Variants in KRTAP4-5 observed in about 807,000 individuals in gnomAD.
KRTAP4-5 encodes keratin associated protein 4-5.
For synonymous variants in KRTAP4-5, 73 were observed against 83.6 expected (o/e 0.87, Z 0.69); for missense variants, 199 against 233.7 (o/e 0.85, Z 0.97).
chr17:41,149,607 G>A lies in KRTAP4-5; in HGVS notation c.161C>T (p.Thr54Ile), dbSNP rs745523790. ...GATGCAGCAGCTAGGGTGGCAGCAG[G>A]TGGGCTGGTAGCACACAGACTGGCA... Reference protein sequence around the residue: ...QCCQSVCYQPTCCHPSCCISS... With the variant: ...QCCQSVCYQPICCHPSCCISS... The change falls in exon 1 of 1, where the codon ACC becomes ATC. Residue 54 changes from threonine to isoleucine, a missense_variant. Coordinates refer to ENST00000343246, the MANE Select transcript of KRTAP4-5 (RefSeq NM_033188.4). 4 of 1,611,098 alleles carry A rather than the reference G, an allele frequency of 2.5e-6. No homozygotes were observed. Among genetic ancestry groups the A allele is most frequent in the Non-Finnish European group, 2.5e-6 (3 of 1,178,928 alleles).
chr17:41,149,491 T>G lies in KRTAP4-5; in HGVS notation c.277A>C (p.Thr93Pro), dbSNP rs2014807105. 1 of 1,517,230 alleles carries G rather than the reference T, an allele frequency of 6.6e-7. No individual in the cohort carries two copies. The highest frequency in any genetic ancestry group is 8.9e-7 in the Non-Finnish European group (1 of 1,126,262). The allele number at this position is 1,517,230 out of a possible 1,614,324, so 94.0% of individuals were successfully genotyped here. Residue 93 changes from threonine (T) to proline (P), a missense_variant, in exon 1 of 1, where the codon ACC (threonine) becomes CCC (proline). Transcript: ENST00000343246. ...CAGCAGCTGGGGCAGCAGCAGGTGG[T>G]CCTGCAGCAGGTGGTCCTGCAGCAG... ...TTCCRTTCCRTTCCCPSCCVS... is the reference protein window; with the variant it reads ...TTCCRTTCCRPTCCCPSCCVS...
In KRTAP4-5 at chr17:41,149,657, G is replaced by A. The variant is rs2014813433; in HGVS notation, c.111C>T (p.Arg37=). The change falls in exon 1 of 1, where the codon CGC becomes CGT. Residue 37 remains arginine, a synonymous_variant. Transcript: ENST00000343246. The stretch of plus-strand genomic sequence containing the variant: ...AGCACTGGGGCTTGCAGCAGCTGGG[G>A]CGGCAGCAGGTGGTCCTGCAGCAGG... The part of the protein sequence containing the change: ...QTTCCRTTCC[R]PSCCKPQCCQ... 6.2e-7 allele frequency: 1 copy of A among 1,608,964 alleles called. No homozygotes were observed. The highest frequency in any genetic ancestry group is 1.7e-5 in the Admixed American group (1 of 59,512).
At position 41,149,297 on chromosome 17, in the gene KRTAP4-5, G is replaced by A; in HGVS notation, c.471C>T (p.His157=). The change falls in exon 1 of 1, where the codon CAC becomes CAT. Residue 157 remains histidine, a synonymous_variant. Transcript: ENST00000343246. The stretch of plus-strand genomic sequence containing the variant: ...CACAGGTTGGGCGATAGCAAGTGGT[G>A]TGGCAGGAGACTCGGCCACAGACTG... The part of the protein sequence containing the change: ...VRPVCGRVSC[H]TTCYRPTCVI... The A allele has an allele frequency of 6.2e-7, 1 of 1,610,522 alleles. No individual in the cohort carries two copies. Among genetic ancestry groups the A allele is most frequent in the Non-Finnish European group, 8.5e-7 (1 of 1,178,272 alleles).
chr17:41,149,502 G>A lies in KRTAP4-5; in HGVS notation c.266C>T (p.Thr89Ile). ...GCAGCAGCAGGTGGTCCTGCAGCAG[G>A]TGGTCCTGCAGCAGGTGGTCTGGCA... ...CCCQTTCCRT[T>I]CCRTTCCCPS... The change falls in exon 1 of 1, where the codon ACC (threonine) becomes ATC (isoleucine). Residue 89 changes from threonine to isoleucine, a missense_variant. By Grantham distance (89) the Thr-to-Ile change is moderately conservative. Transcript: ENST00000343246. The A allele has an allele frequency of 6.6e-7, 1 of 1,518,708 alleles. No individual in the cohort carries two copies. The highest frequency in any genetic ancestry group is 8.9e-7 in the Non-Finnish European group (1 of 1,125,038). The allele number at this position is 1,518,708 out of a possible 1,614,324, so 94.1% of individuals were successfully genotyped here. A position where few individuals can be genotyped will look rare whatever the true frequency, so the allele number is the denominator to read the frequency against.
At position 41,149,430 on chromosome 17, in the gene KRTAP4-5, G is replaced by T. The variant is rs752600601; in HGVS notation, c.338C>A (p.Ser113Tyr). The change falls in exon 1 of 1, where the codon TCT (serine) becomes TAT (tyrosine). Residue 113 changes from serine (S) to tyrosine (Y), a missense_variant. Transcript: ENST00000343246. ...SSCCRPQCCQSVCCQPTCCRP... is the reference protein window; with the variant it reads ...SSCCRPQCCQYVCCQPTCCRP... ...GCAGCAAGTGGGCTGGCAGCACACAGACTGGCAGCACTGGGGTCTGCAGCA... is the reference window on the plus strand; with the variant it reads ...GCAGCAAGTGGGCTGGCAGCACACATACTGGCAGCACTGGGGTCTGCAGCA... 6.2e-7 allele frequency: 1 copy of T among 1,613,236 alleles called. No homozygotes were observed. Among genetic ancestry groups the T allele is most frequent in the Non-Finnish European group, 8.5e-7 (1 of 1,179,550 alleles).
At chr17:41,149,707 AG>A in the KRTAP4-5 span, 1 of 1,613,910 alleles carries the variant, frequency 6.2e-7, no homozygotes, top group Non-Finnish European at 8.5e-7. Flanking sequence ...CTGGGGCGGC[AG>A]CAGTTCTCCA....
chr17:41,149,797 T>C lies in KRTAP4-5; in HGVS notation c.-30A>G. The C allele has an allele frequency of 6.3e-7, 1 of 1,575,042 alleles. No homozygotes were observed. The highest frequency in any genetic ancestry group is 8.6e-7 in the Non-Finnish European group (1 of 1,160,138). On this transcript the variant is annotated 5_prime_UTR_variant, in exon 1 of 1. Transcript: ENST00000343246. ...TCAGAGGGTGGAGGTTCTGGGTGGATTTCTAGAAGAATGAGGTTCTCAAGT... is the reference window on the plus strand; with the variant it reads ...TCAGAGGGTGGAGGTTCTGGGTGGACTTCTAGAAGAATGAGGTTCTCAAGT...
chr17:41,149,519 G>T lies in KRTAP4-5; in HGVS notation c.249C>A (p.Thr83=). Reference sequence around the variant, plus strand: ...TGCAGCAGGTGGTCCTGCAGCAGGTGGTCTGGCAGCAGCAGGGGCGGCAGC... The same window carrying T: ...TGCAGCAGGTGGTCCTGCAGCAGGTTGTCTGGCAGCAGCAGGGGCGGCAGC... ...SSCCRPCCCQ[T]TCCRTTCCRT... is the part of the protein sequence containing the mutation. The change falls in exon 1 of 1, where the codon ACC becomes ACA. Residue 83 remains threonine, a synonymous_variant. Transcript: ENST00000343246. The T allele has an allele frequency of 6.6e-7, 1 of 1,514,480 alleles. No homozygotes were observed. The highest frequency in any genetic ancestry group is 1.3e-5 in the South Asian group (1 of 78,840). 93.8% of individuals were successfully genotyped at this position (1,514,480 alleles called of 1,614,324 possible).
At chr17:41,149,570 G>T in the KRTAP4-5 span, 2 of 1,497,552 alleles carry the variant, frequency 1.3e-6, no homozygotes, top group Non-Finnish European at 1.8e-6. Flanking sequence ...AATAGGGGCG[G>T]CAGCAGCTGG....
chr17:41,149,011 C>T lies in KRTAP4-5; in HGVS notation c.*211G>A, dbSNP rs896151696. 8.1e-6 allele frequency: 7 copies of T among 868,608 alleles called. No individual in the cohort carries two copies. Among genetic ancestry groups the T allele is most frequent in the African/African-American group, 5.1e-5 (3 of 58,484 alleles). The allele number at this position is 868,608 out of a possible 1,614,324, so 53.8% of individuals were successfully genotyped here. A position where few individuals can be genotyped will look rare whatever the true frequency, so the allele number is the denominator to read the frequency against. On this transcript the variant is annotated 3_prime_UTR_variant, in exon 1 of 1. Transcript: ENST00000343246. ...GTCCCCTTCGAATGAAGACACTGCTCATCTAAAAATAACTGCATTGGGGCC... is the reference window on the plus strand; with the variant it reads ...GTCCCCTTCGAATGAAGACACTGCTTATCTAAAAATAACTGCATTGGGGCC...
Position 41,149,109 on chromosome 17 carries a change from A to G in KRTAP4-5, c.*113T>C, listed in dbSNP as rs969136045. On this transcript the variant is annotated 3_prime_UTR_variant, in exon 1 of 1. Transcript: ENST00000343246. ...GAGCTGAATGTCCACTCTGAATGCC[A>G]CATGAGACAAACTGGCAGGGAAGTG... The G allele has an allele frequency of 1.4e-5, 21 of 1,459,048 alleles. No homozygotes were observed. The highest frequency in any genetic ancestry group is 1.9e-5 in the Non-Finnish European group (21 of 1,097,600). 90.4% of individuals were successfully genotyped at this position (1,459,048 alleles called of 1,614,324 possible).
rs201567048 is a variant in KRTAP4-5, at chr17:41,148,983, A to T, written c.*239T>A. 4.4e-4 allele frequency: 306 copies of T among 700,896 alleles called. 1 individual carries two copies. In the East Asian group the frequency reaches 7.9e-3, roughly 18 times the overall value. The allele number at this position is 700,896 out of a possible 1,614,324, so 43.4% of individuals were successfully genotyped here. On this transcript the variant is annotated 3_prime_UTR_variant, in exon 1 of 1. Transcript: ENST00000343246. ...AATATTATATGAGATCATCACAGTT[A>T]GTGTCCCCTTCGAATGAAGACACTG...
In KRTAP4-5 at chr17:41,149,628, T is replaced by C. The variant is rs1406513601; in HGVS notation, c.140A>G (p.Gln47Arg). The C allele has an allele frequency of 6.2e-7, 1 of 1,611,042 alleles. No individual in the cohort carries two copies. Among genetic ancestry groups the C allele is most frequent in the South Asian group, 1.1e-5 (1 of 90,886 alleles). Reference sequence around the variant, plus strand: ...GCAGGTGGGCTGGTAGCACACAGACTGGCAGCACTGGGGCTTGCAGCAGCT... The same window carrying C: ...GCAGGTGGGCTGGTAGCACACAGACCGGCAGCACTGGGGCTTGCAGCAGCT... ...RPSCCKPQCC[Q>R]SVCYQPTCCH... is the part of the protein sequence containing the mutation. Residue 47 changes from glutamine to arginine, a missense_variant, in exon 1 of 1, where the codon CAG (glutamine) becomes CGG (arginine). Coordinates refer to ENST00000343246, the MANE Select transcript of KRTAP4-5 (RefSeq NM_033188.4).
the KRTAP4-5 span, chr17:41,149,434 G>A: frequency 1.9e-6 from 3 of 1,613,170 alleles, no homozygotes; most frequent in Non-Finnish European, 2.5e-6. Context: ...CACACAGACT[G>A]GCAGCACTGG....
In KRTAP4-5 at chr17:41,149,009, C is replaced by A. The variant is rs2014796768; in HGVS notation, c.*213G>T. The A allele has an allele frequency of 2.3e-6, 2 of 861,256 alleles. No homozygotes were observed. The highest frequency in any genetic ancestry group is 3.5e-6 in the Non-Finnish European group (2 of 564,652). The allele number at this position is 861,256 out of a possible 1,614,324, so 53.4% of individuals were successfully genotyped here. On this transcript the variant is annotated 3_prime_UTR_variant, in exon 1 of 1. Coordinates refer to ENST00000343246, the MANE Select transcript of KRTAP4-5 (RefSeq NM_033188.4). ...GTGTCCCCTTCGAATGAAGACACTGCTCATCTAAAAATAACTGCATTGGGG... is the reference window on the plus strand; with the variant it reads ...GTGTCCCCTTCGAATGAAGACACTGATCATCTAAAAATAACTGCATTGGGG...
rs769963748 is a variant in KRTAP4-5, at chr17:41,149,786, T to G, written c.-19A>C. ...TGACCATGGTGTCAGAGGGTGGAGG[T>G]TCTGGGTGGATTTCTAGAAGAATGA... On this transcript the variant is annotated 5_prime_UTR_variant, in exon 1 of 1. Transcript: ENST00000343246. 6.3e-7 allele frequency: 1 copy of G among 1,585,110 alleles called. No homozygotes were observed. Among genetic ancestry groups the G allele is most frequent in the African/African-American group, 1.3e-5 (1 of 74,174 alleles).
In KRTAP4-5 at chr17:41,149,011, C is replaced by A. The variant is rs896151696; in HGVS notation, c.*211G>T. ...GTCCCCTTCGAATGAAGACACTGCT[C>A]ATCTAAAAATAACTGCATTGGGGCC... On this transcript the variant is annotated 3_prime_UTR_variant, in exon 1 of 1. Coordinates refer to ENST00000343246, the MANE Select transcript of KRTAP4-5 (RefSeq NM_033188.4). The A allele has an allele frequency of 3.3e-5, 29 of 868,610 alleles. No individual in the cohort carries two copies. The highest frequency in any genetic ancestry group is 4.6e-5 in the Non-Finnish European group (26 of 571,310). 53.8% of individuals were successfully genotyped at this position (868,610 alleles called of 1,614,324 possible).
Position 41,149,306 on chromosome 17 carries a change from G to T in KRTAP4-5, c.462C>A (p.Val154=), listed in dbSNP as rs1485539658. The T allele has an allele frequency of 1.5e-5, 24 of 1,610,440 alleles. No individual in the cohort carries two copies. Among genetic ancestry groups the T allele is most frequent in the Non-Finnish European group, 2.0e-5 (24 of 1,178,290 alleles). Residue 154 remains valine (V), a synonymous_variant, in exon 1 of 1, where the codon GTC becomes GTA. Coordinates refer to ENST00000343246, the MANE Select transcript of KRTAP4-5 (RefSeq NM_033188.4). ...CCCVRPVCGR[V]SCHTTCYRPT... is the part of the protein sequence containing the mutation. ...GGCGATAGCAAGTGGTGTGGCAGGA[G>T]ACTCGGCCACAGACTGGACGCACGC...
Position 41,149,251 on chromosome 17 carries a change from G to A in KRTAP4-5, c.517C>T (p.Pro173Ser), listed in dbSNP as rs1685491802. The change falls in exon 1 of 1, where the codon CCC (proline) becomes TCC (serine). Residue 173 changes from proline (P) to serine (S), a missense_variant. Transcript: ENST00000343246. ...CAGCAAGAGGAGGCACAGCACAAGGGGCGGGGGCAGGTGGAGATGACACAG... is the reference window on the plus strand; with the variant it reads ...CAGCAAGAGGAGGCACAGCACAAGGAGCGGGGGCAGGTGGAGATGACACAG... ...PTCVISTCPRPLCCASSCC is the reference protein window; with the variant it reads ...PTCVISTCPRSLCCASSCC 1 of 1,607,398 alleles carries A rather than the reference G, an allele frequency of 6.2e-7. No homozygotes were observed. The highest frequency in any genetic ancestry group is 8.5e-7 in the Non-Finnish European group (1 of 1,176,648).
Sources: allele counts gnomAD v4.1 joint callset, GRCh38; gene constraint gnomAD v4.1.1; transcripts MANE v1.5; gene names NCBI Gene and HGNC (gene_info 2026-07-23, HGNC 2026-07-21).